Variants in CYP46A1 observed in about 807,000 individuals in gnomAD.
CYP46A1 encodes cholesterol 24-hydroxylase.
Under a neutral mutation model 63.3 loss-of-function variants are expected in CYP46A1, and 20 were observed. That is an observed-to-expected ratio of 0.32 (90% CI 0.22 to 0.46). The LOEUF (loss-of-function observed/expected upper bound fraction) is 0.46, where lower values mean the gene tolerates loss of function less well. CYP46A1 is among the 20% of genes least tolerant of loss of function. CYP46A1 has a pLI of 1.00. For synonymous variants in CYP46A1, 268 were observed against 273.6 expected, an observed-to-expected ratio of 0.98 and a Z score of 0.20; for missense variants, 445 against 670.8, an observed-to-expected ratio of 0.66 and a Z score of 3.72.
chr14:99,698,800 T>C (rs1566827978), intron 3 of CYP46A1, among the ~76,000 whole-genome samples: 1 of 152,188 alleles, frequency 6.6e-6, no homozygotes, highest in Non-Finnish European at 1.5e-5. Context: ...CAATCCTGCC[T>C]CAAGAGCTGT....
intron 7 of CYP46A1, 91 bp downstream of exon 7, chr14:99,707,769 T>TC (rs397700863): frequency 1.3e-4 from 140 of 1,119,640 alleles, no homozygotes; most frequent in African/African-American, 3.3e-4. Context: ...TTTTTTTTTT[T>TC]CCCAGAATGG....
At chr14:99,713,865 CAAA>C (rs71113218) in intron 7 of CYP46A1, among the ~76,000 whole-genome samples, 687 of 67,328 alleles carry the variant, frequency 0.01, 2 homozygotes, top group African/African-American at 0.038. Context: ...GACTCCATCT[CAAA>C]AAAAAAAAAA....
chr14:99,707,925 T>G, intron 7 of CYP46A1: 1 of 474,434 alleles, frequency 2.1e-6, no homozygotes, highest in Non-Finnish European at 3.8e-6. Context: ...GCAGGCAATG[T>G]AGGATGACTA....
rs535398010 is a variant in CYP46A1, at chr14:99,692,434, G to A, written c.282+573G>A. On this transcript the variant is annotated intron_variant, in intron 3 of 14. Coordinates refer to ENST00000261835, the MANE Select transcript of CYP46A1 (RefSeq NM_006668.2). ...GGCACCTGTAATACCAGCTACTCGGGAGGCTGAGGCAGGAGAATCACTTGA... is the reference window on the plus strand; with the variant it reads ...GGCACCTGTAATACCAGCTACTCGGAAGGCTGAGGCAGGAGAATCACTTGA... Among the ~76,000 whole-genome samples the A allele has an allele frequency of 2.0e-5, 3 of 152,288 alleles. No individual in the cohort carries two copies. In the East Asian group the frequency reaches 5.8e-4, roughly 29 times the overall value.
At chr14:99,684,804 C>T (rs765432413) in intron 1 of CYP46A1, 33 of 558,676 alleles carry the variant, frequency 5.9e-5, no homozygotes, top group South Asian at 4.9e-4. Flanking sequence ...GTTAACCCAT[C>T]GTTCAGACGA....
At chr14:99,708,044 C>T (rs760261096) in intron 7 of CYP46A1, 2 of 276,800 alleles carry the variant, frequency 7.2e-6, no homozygotes, top group Non-Finnish European at 1.4e-5. Context: ...GTGCACCCTG[C>T]CTGCCACTGC....
chr14:99,726,857 C>T lies in CYP46A1; in HGVS notation c.*130C>T, dbSNP rs1403214520. 2.8e-6 allele frequency: 2 copies of T among 718,262 alleles called. No individual in the cohort carries two copies. Among genetic ancestry groups the T allele is most frequent in the East Asian group, 3.1e-5 (1 of 32,522 alleles). The allele number at this position is 718,262 out of a possible 1,614,324, so 44.5% of individuals were successfully genotyped here. ...CCCTTCACGCTGGCTTCCAGCGGGCCCTCTGCCGACCGCCTGCTTCACACC... is the reference window on the plus strand; with the variant it reads ...CCCTTCACGCTGGCTTCCAGCGGGCTCTCTGCCGACCGCCTGCTTCACACC... On this transcript the variant is annotated 3_prime_UTR_variant, in exon 15 of 15. Coordinates refer to ENST00000261835, the MANE Select transcript of CYP46A1 (RefSeq NM_006668.2).
chr14:99,694,454 T>C (rs770103884), intron 3 of CYP46A1, among the ~76,000 whole-genome samples: 12 of 151,658 alleles, frequency 7.9e-5, no homozygotes, highest in Non-Finnish European at 1.6e-4. Flanking sequence ...TTTAGTTTTA[T>C]TGGTTTCCTT....
chr14:99,709,494 C>T (rs567515933), intron 7 of CYP46A1: 1 of 152,110 alleles, frequency 6.6e-6, no homozygotes, highest in East Asian at 1.9e-4. Context: ...TGAAGCAACC[C>T]AATCAGACCA....
chr14:99,694,466 ATTGT>A (rs2056570638), intron 3 of CYP46A1, among the ~76,000 whole-genome samples: 1 of 102,836 alleles, frequency 9.7e-6, no homozygotes, highest in African/African-American at 3.7e-5. Flanking sequence ...GGTTTCCTTC[ATTGT>A]TTGTCTTCTA....
intron 13 of CYP46A1, 35 bp from the exon 14 acceptor site, chr14:99,726,155 G>A: frequency 6.3e-7 from 1 of 1,591,842 alleles, no homozygotes; most frequent in Non-Finnish European, 8.6e-7. Context: ...GACGCCTGGG[G>A]CTGCTGGCCT....
At chr14:99,716,636 C>G (rs749893895) in intron 9 of CYP46A1, among the ~76,000 whole-genome samples, 1 of 152,240 alleles carries the variant, frequency 6.6e-6, no homozygotes, top group Non-Finnish European at 1.5e-5. Flanking sequence ...GAAGCACAGG[C>G]TGCCTCAGGC....
chr14:99,700,177 G>A, intron 5 of CYP46A1, 76 bp downstream of exon 5: 1 of 1,213,622 alleles, frequency 8.2e-7, no homozygotes, highest in Non-Finnish European at 1.1e-6. Flanking sequence ...GGTGGGCCTT[G>A]GGGAGGGAAG....
chr14:99,692,135 G>C (rs2056549210), intron 3 of CYP46A1, among the ~76,000 whole-genome samples: 1 of 152,160 alleles, frequency 6.6e-6, no homozygotes, highest in Non-Finnish European at 1.5e-5. Context: ...CACACGTTTA[G>C]TTTGCCTCTC....
In CYP46A1 at chr14:99,726,238, C is replaced by G; in HGVS notation, c.1314C>G (p.Ile438Met). Residue 438 changes from isoleucine (I) to methionine (M), a missense_variant, in exon 14 of 15, where the codon ATC becomes ATG. Transcript: ENST00000261835. ...TCTCCCTGGGCCACCGCTCCTGCAT[C>G]GGGCAGCAGTTTGCTCAGGTAGGAG... Reference protein sequence around the residue: ...FPFSLGHRSCIGQQFAQMEVK... With the variant: ...FPFSLGHRSCMGQQFAQMEVK... 1.9e-6 allele frequency: 3 copies of G among 1,613,642 alleles called. No homozygotes were observed. The highest frequency in any genetic ancestry group is 2.5e-6 in the Non-Finnish European group (3 of 1,179,924).
In CYP46A1 at chr14:99,706,629, C is replaced by T; in HGVS notation, c.444-18C>T. 6.2e-7 allele frequency: 1 copy of T among 1,613,066 alleles called. No homozygotes were observed. Among genetic ancestry groups the T allele is most frequent in the Non-Finnish European group, 8.5e-7 (1 of 1,179,646 alleles). Reference sequence around the variant, plus strand: ...TTGGGCTGGCCAGTGGCCGTTGATGCCTGTGCTGTTTCTCCAGCTCCTTGG... The same window carrying T: ...TTGGGCTGGCCAGTGGCCGTTGATGTCTGTGCTGTTTCTCCAGCTCCTTGG... On this transcript the variant is annotated intron_variant, in intron 5 of 14. Transcript: ENST00000261835.
intron 1 of CYP46A1, among the ~76,000 whole-genome samples, chr14:99,690,717 T>C (rs2056535919): frequency 1.3e-5 from 2 of 152,216 alleles, no homozygotes; most frequent in Non-Finnish European, 2.9e-5. Flanking sequence ...TGATCAGCCA[T>C]GTGGGGAGGT....
intron 3 of CYP46A1, chr14:99,695,603 C>CA (rs2056580455): frequency 1.2e-5 from 1 of 86,128 alleles, no homozygotes; most frequent in Non-Finnish European, 2.4e-5. Context: ...GCCATTCCAG[C>CA]TTTATTATTA....
chr14:99,720,459 CTTTTT>C (rs34168201), intron 10 of CYP46A1, among the ~76,000 whole-genome samples: 1 of 127,382 alleles, frequency 7.9e-6, no homozygotes, highest in Non-Finnish European at 1.6e-5. Flanking sequence ...CAGATCCACT[CTTTTT>C]TTTTTTTTTT....
Sources: allele counts gnomAD v4.1 joint callset (sites outside exome capture counted in the v4.1 genomes callset), GRCh38; gene constraint gnomAD v4.1.1; transcripts MANE v1.5; gene names NCBI Gene and HGNC (gene_info 2026-07-23, HGNC 2026-07-21).